Variants in ERBIN observed in about 807,000 individuals in gnomAD.
The protein encoded by ERBIN is erbb2 interacting protein.
Under a neutral mutation model 158.4 loss-of-function variants are expected in ERBIN, and 60 were observed. That is an observed-to-expected ratio of 0.38 (90% CI 0.31 to 0.47). The LOEUF (loss-of-function observed/expected upper bound fraction) is 0.47, where lower values mean the gene tolerates loss of function less well. ERBIN is among the 20% of genes least tolerant of loss of function. ERBIN has a pLI of 0.99. For missense variants in ERBIN, 1,610 were observed against 1,648.0 expected, an observed-to-expected ratio of 0.98 and a Z score of 0.40; for synonymous variants, 594 against 557.2, an observed-to-expected ratio of 1.07 and a Z score of -0.93.
At chr5:65,979,268 A>T (rs1334202574) in intron 1 of ERBIN, among the ~76,000 whole-genome samples, 1 of 117,648 alleles carries the variant, frequency 8.5e-6, no homozygotes, top group African/African-American at 2.7e-5. Flanking sequence ...CTCCACAAAA[A>T]ATAAAAAACT....
chr5:66,013,113 A>G (rs1297281242), intron 5 of ERBIN, among the ~76,000 whole-genome samples: 2 of 152,210 alleles, frequency 1.3e-5, no homozygotes, highest in African/African-American at 4.8e-5. Flanking sequence ...AACATCCTAT[A>G]GTGCACAGGG....
chr5:66,007,568 C>T (rs1297934713), intron 4 of ERBIN, among the ~76,000 whole-genome samples: 1 of 151,716 alleles, frequency 6.6e-6, no homozygotes, highest in Non-Finnish European at 1.5e-5. Context: ...AAAGAATGAG[C>T]CCTGGTTGTA....
At chr5:65,933,248 A>G (rs1743663167) in intron 1 of ERBIN, among the ~76,000 whole-genome samples, 1 of 152,190 alleles carries the variant, frequency 6.6e-6, no homozygotes, top group African/African-American at 2.4e-5. Context: ...TTTTCTTCAA[A>G]TACTAGATTT....
rs186258561 is a variant in ERBIN at position 65,979,736 on chromosome 5, A to G, written c.-57-8899A>G. ...ATCAAATAGCCTTAATAGCAGTTCT[A>G]TGATAAGAAATAAAGACAGAAGGAA... On this transcript the variant is annotated intron_variant, in intron 1 of 25. Coordinates refer to ENST00000284037, the MANE Select transcript of ERBIN (RefSeq NM_001253697.2). Among the ~76,000 whole-genome samples the G allele has an allele frequency of 2.2e-3, 341 of 152,348 alleles. 2 individuals carry two copies. Among genetic ancestry groups the G allele is most frequent in the African/African-American group, 7.6e-3 (317 of 41,588 alleles).
At chr5:66,047,180 T>C (rs745528693) in intron 18 of ERBIN, among the ~76,000 whole-genome samples, 1 of 152,148 alleles carries the variant, frequency 6.6e-6, no homozygotes, top group Non-Finnish European at 1.5e-5. Context: ...TATATGCCTC[T>C]GTAAATTTGC....
intron 1 of ERBIN, among the ~76,000 whole-genome samples, chr5:65,941,126 A>G (rs574678615): frequency 2.3e-4 from 35 of 152,082 alleles, no homozygotes; most frequent in East Asian, 1.9e-3. Context: ...CAGCATGCTC[A>G]TTAAGAGTCA....
chr5:66,066,434 C>G (rs2151284855), intron 21 of ERBIN, among the ~76,000 whole-genome samples: 1 of 151,802 alleles, frequency 6.6e-6, no homozygotes, highest in Middle Eastern at 3.4e-3. Context: ...CTTTACTCAG[C>G]TGAGAGTTAG....
rs147320704 is a variant in ERBIN, at chr5:65,992,769, A to G, written c.51A>G (p.Leu17=). 88 of 1,613,758 alleles carry G rather than the reference A, an allele frequency of 5.5e-5. No homozygotes were observed. Among genetic ancestry groups the G allele is most frequent in the Admixed American group, 8.3e-5 (5 of 59,942 alleles). The change falls in exon 3 of 26, where the codon CTA becomes CTG. Residue 17 remains leucine (L), a synonymous_variant. Transcript: ENST00000284037. ...LFVRLVPCRC[L]RGEEETVTTL... ...TGCGGTTGGTACCATGTCGCTGTCT[A>G]CGAGGGGAAGAGGAGACTGTCACTA...
intron 21 of ERBIN, among the ~76,000 whole-genome samples, chr5:66,068,415 G>A (rs912450133): frequency 6.6e-6 from 1 of 152,018 alleles, no homozygotes; most frequent in African/African-American, 2.4e-5. Flanking sequence ...TAATATGTTA[G>A]AATTTGCATA....
chr5:66,026,781 A>G (rs1756302870), intron 13 of ERBIN, among the ~76,000 whole-genome samples: 1 of 151,994 alleles, frequency 6.6e-6, no homozygotes, highest in Non-Finnish European at 1.5e-5. Flanking sequence ...TTAATTTATC[A>G]TACGGTGGTT....
chr5:66,065,408 A>G (rs948466902), intron 21 of ERBIN, among the ~76,000 whole-genome samples: 1 of 152,196 alleles, frequency 6.6e-6, no homozygotes, highest in Non-Finnish European at 1.5e-5. Context: ...CTTACCCACC[A>G]TTAACTGCTA....
At position 66,075,312 on chromosome 5, in the gene ERBIN, A is replaced by G. The variant is rs571252218; in HGVS notation, c.3963+82A>G. On this transcript the variant is annotated intron_variant, in intron 23 of 25. Transcript: ENST00000284037. ...AGGTTACTTAATTATTAGTAAATCC[A>G]TACAGAATATTAACGTAGTTATTAC... 7 of 1,117,082 alleles carry G rather than the reference A, an allele frequency of 6.3e-6. No homozygotes were observed. The African/African-American group carries it at 6.3e-5, about 10-fold the overall frequency. The allele number at this position is 1,117,082 out of a possible 1,614,324, so 69.2% of individuals were successfully genotyped here. A position where few individuals can be genotyped will look rare whatever the true frequency, so the allele number is the denominator to read the frequency against.
At chr5:66,055,019 C>A (rs1431575050) in intron 21 of ERBIN, 68 bp downstream of exon 21, 82 of 1,454,494 alleles carry the variant, frequency 5.6e-5, no homozygotes, top group Non-Finnish European at 7.4e-5. Context: ...AATGATGAAA[C>A]AAGATTCTCT....
chr5:65,998,168 C>T (rs1752641201), intron 4 of ERBIN, among the ~76,000 whole-genome samples: 1 of 151,480 alleles, frequency 6.6e-6, no homozygotes. Context: ...ATGGAGGTTA[C>T]AGTGAGCCAA....
intron 14 of ERBIN, among the ~76,000 whole-genome samples, chr5:66,038,098 A>G (rs571995603): frequency 2.6e-5 from 4 of 152,336 alleles, no homozygotes; most frequent in South Asian, 2.1e-4. Context: ...GTAACGGACT[A>G]TGGATAAACT....
At chr5:65,975,544 G>A (rs916537771) in intron 1 of ERBIN, among the ~76,000 whole-genome samples, 7 of 152,234 alleles carry the variant, frequency 4.6e-5, no homozygotes, top group African/African-American at 1.7e-4. Flanking sequence ...GGCTTCAAGT[G>A]ATCCACCTGC....
intron 1 of ERBIN, among the ~76,000 whole-genome samples, chr5:65,979,523 C>T (rs577865443): frequency 1.4e-3 from 208 of 152,118 alleles, no homozygotes; most frequent in Non-Finnish European, 2.7e-3. Flanking sequence ...CATACAAAGA[C>T]CTGGAAAAGG....
rs753868649 is a variant in ERBIN at position 66,081,772 on chromosome 5, AG to A, written c.*3243del. 2.6e-4 allele frequency: 39 copies of A among 152,204 alleles called. No individual in the cohort carries two copies. Among genetic ancestry groups the A allele is most frequent in the Non-Finnish European group, 4.4e-4 (30 of 67,958 alleles). 9.4% of individuals were successfully genotyped at this position (152,204 alleles called of 1,614,324 possible). A position where few individuals can be genotyped will look rare whatever the true frequency, so the allele number is the denominator to read the frequency against. On this transcript the variant is annotated 3_prime_UTR_variant, in exon 26 of 26. Coordinates refer to ENST00000284037, the MANE Select transcript of ERBIN (RefSeq NM_001253697.2). Reference sequence around the variant, plus strand: ...ATTTGGAAGGGTATTTTTTTCACTCAGTCTGTTGCATTCTTACAGCCTTCTG... The same window carrying A: ...ATTTGGAAGGGTATTTTTTTCACTCATCTGTTGCATTCTTACAGCCTTCTG...
rs1472830807 is a variant in ERBIN at position 66,079,632 on chromosome 5, G to A, written c.*1102G>A. On this transcript the variant is annotated 3_prime_UTR_variant, in exon 26 of 26. Coordinates refer to ENST00000284037, the MANE Select transcript of ERBIN (RefSeq NM_001253697.2). ...AAACCAAAGCAAGCTTTGTGAAACT[G>A]GCACAGTGATAGAGAATTGCTGTGG... is the stretch of plus-strand genomic sequence containing the variant. 6.6e-6 allele frequency: 1 copy of A among 152,582 alleles called. No homozygotes were observed. The highest frequency in any genetic ancestry group is 1.5e-5 in the Non-Finnish European group (1 of 68,018). 9.5% of individuals were successfully genotyped at this position (152,582 alleles called of 1,614,324 possible).
Sources: gnomAD v4.1 joint callset for allele counts (sites outside exome capture counted in the v4.1 genomes callset) on GRCh38, gnomAD v4.1.1 for gene constraint, MANE v1.5 for transcripts, NCBI Gene and HGNC (gene_info 2026-07-23, HGNC 2026-07-21) for gene names.